Variants in PRRX1 observed in about 807,000 individuals in gnomAD.
PRRX1 encodes paired mesoderm homeobox protein 1.
Under a neutral mutation model 24.0 loss-of-function variants are expected in PRRX1, and 8 were observed. That is an observed-to-expected ratio of 0.33 (90% CI 0.20 to 0.60). PRRX1 has a LOEUF of 0.60. Among genes scored for constraint, PRRX1 ranks in the 20% least tolerant of loss-of-function variants. PRRX1 has a pLI of 0.82. For synonymous variants in PRRX1, 160 were observed against 131.7 expected, an observed-to-expected ratio of 1.22 and a Z score of -1.47; for missense variants, 281 against 322.4, an observed-to-expected ratio of 0.87 and a Z score of 0.98.
chr1:170,716,624 T>C (rs1034534679), intron 1 of PRRX1, among the ~76,000 whole-genome samples: 1 of 152,174 alleles, frequency 6.6e-6, no homozygotes, highest in African/African-American at 2.4e-5. Context: ...CCGCTGGTTA[T>C]TCTACAACTT....
chr1:170,709,342 T>C (rs984045034), intron 1 of PRRX1, among the ~76,000 whole-genome samples: 2 of 152,074 alleles, frequency 1.3e-5, no homozygotes, highest in African/African-American at 4.8e-5. Context: ...AAAGACAAGG[T>C]CAGAGAAAAG....
intron 1 of PRRX1, among the ~76,000 whole-genome samples, chr1:170,704,638 C>T (rs79595190): frequency 0.023 from 3,549 of 152,248 alleles, 138 homozygotes; most frequent in African/African-American, 0.076. Context: ...GTTTCCTGTC[C>T]TTAGCCTCCA....
intron 1 of PRRX1, among the ~76,000 whole-genome samples, chr1:170,703,659 T>TTAAAAAAAAAATGCTAAAAAAAAAAAATA (rs1160662526): frequency 6.6e-6 from 1 of 151,996 alleles, no homozygotes; most frequent in Non-Finnish European, 1.5e-5. Flanking sequence ...TAGGACACTT[T>TTAAAAAAAAAATGCTAAAAAAAAAAAATA]CCATTGGTAT....
At chr1:170,691,208 A>G (rs1653933885) in intron 1 of PRRX1, among the ~76,000 whole-genome samples, 1 of 152,166 alleles carries the variant, frequency 6.6e-6, no homozygotes, top group South Asian at 2.1e-4. Context: ...AATAAATGAA[A>G]GAAATAAAGC....
At chr1:170,707,432 C>CTTAA (rs1654606263) in intron 1 of PRRX1, among the ~76,000 whole-genome samples, 1 of 152,120 alleles carries the variant, frequency 6.6e-6, no homozygotes, top group African/African-American at 2.4e-5. Flanking sequence ...TAAAATGTAG[C>CTTAA]TTAGAATGTC....
intron 1 of PRRX1, among the ~76,000 whole-genome samples, chr1:170,717,468 C>T (rs1654941358): frequency 6.6e-6 from 1 of 152,094 alleles, no homozygotes; most frequent in South Asian, 2.1e-4. Context: ...TGTGGTTGCA[C>T]CTAAGAAAGA....
chr1:170,709,489 C>T (rs577952259), intron 1 of PRRX1, among the ~76,000 whole-genome samples: 1 of 152,284 alleles, frequency 6.6e-6, no homozygotes, highest in Non-Finnish European at 1.5e-5. Flanking sequence ...GAGGCCCATG[C>T]AGTGTTTTCT....
intron 1 of PRRX1, among the ~76,000 whole-genome samples, chr1:170,699,767 G>A (rs189113471): frequency 2.0e-4 from 30 of 151,908 alleles, no homozygotes; most frequent in Admixed American, 1.3e-3. Flanking sequence ...AAGGAGTCTC[G>A]CTCTGTCACC....
chr1:170,717,097 C>A (rs1654929729), intron 1 of PRRX1, among the ~76,000 whole-genome samples: 2 of 152,206 alleles, frequency 1.3e-5, no homozygotes, highest in Admixed American at 1.3e-4. Context: ...CTCCCTGGAT[C>A]CCTGTTATTT....
At chr1:170,697,133 A>T (rs1654196663) in intron 1 of PRRX1, among the ~76,000 whole-genome samples, 1 of 152,144 alleles carries the variant, frequency 6.6e-6, no homozygotes, top group Non-Finnish European at 1.5e-5. Context: ...ATGGAATGTG[A>T]ACATGCATGC....
intron 1 of PRRX1, among the ~76,000 whole-genome samples, chr1:170,680,636 A>C (rs1265301380): frequency 6.6e-6 from 1 of 152,216 alleles, no homozygotes; most frequent in Non-Finnish European, 1.5e-5. Context: ...TTGTTGTTGC[A>C]TAATTAAGTA....
intron 2 of PRRX1, among the ~76,000 whole-genome samples, chr1:170,724,685 C>G (rs1214247339): frequency 6.6e-6 from 1 of 152,232 alleles, no homozygotes; most frequent in Admixed American, 6.5e-5. Context: ...GTTACTGTAG[C>G]CTTGTAGAAT....
At chr1:170,710,555 A>G (rs1345699452) in intron 1 of PRRX1, among the ~76,000 whole-genome samples, 4 of 152,230 alleles carry the variant, frequency 2.6e-5, no homozygotes, top group Non-Finnish European at 4.4e-5. Flanking sequence ...TTAAAAATAT[A>G]TGTATCACTT....
At chr1:170,665,624 T>C (rs887256507) in intron 1 of PRRX1, among the ~76,000 whole-genome samples, 1 of 152,248 alleles carries the variant, frequency 6.6e-6, no homozygotes, top group African/African-American at 2.4e-5. Flanking sequence ...AAACGTTGCC[T>C]ATTTCAGACT....
intron 1 of PRRX1, among the ~76,000 whole-genome samples, chr1:170,702,125 AATAGGGTTTCTACTCGT>A: frequency 6.6e-6 from 1 of 152,322 alleles, no homozygotes; most frequent in East Asian, 1.9e-4. Context: ...CGCAGTTCAC[AATAGGGTTTCTACTCGT>A]ATAAGAATCT....
Position 170,683,972 on chromosome 1 carries a change from T to TG in PRRX1, c.241+19513_241+19514insG, listed in dbSNP as rs1367334992. On this transcript the variant is annotated intron_variant, in intron 1 of 3. Transcript: ENST00000239461. Reference sequence around the variant, plus strand: ...ATTATACCCACCACCAGTTTTTTGATTAACAAGTATGCATTGTATTCAGCA... The same window carrying TG: ...ATTATACCCACCACCAGTTTTTTGATGTAACAAGTATGCATTGTATTCAGCA... Among the ~76,000 whole-genome samples, 5 of 152,312 alleles carry TG rather than the reference T, an allele frequency of 3.3e-5. No homozygotes were observed. In the East Asian group the frequency reaches 9.7e-4, roughly 29 times the overall value.
chr1:170,706,794 A>T (rs1374141224), intron 1 of PRRX1, among the ~76,000 whole-genome samples: 1 of 152,178 alleles, frequency 6.6e-6, no homozygotes, highest in African/African-American at 2.4e-5. Context: ...AGAAAAGCTT[A>T]GTGCCATTTG....
chr1:170,681,098 A>C (rs1653488780), intron 1 of PRRX1, among the ~76,000 whole-genome samples: 1 of 152,216 alleles, frequency 6.6e-6, no homozygotes, highest in Admixed American at 6.5e-5. Context: ...TAAAGGGAAG[A>C]AATTAAGGTG....
At chr1:170,726,602 G>A (rs1170079818) in intron 3 of PRRX1, 1 of 600,840 alleles carries the variant, frequency 1.7e-6, no homozygotes, top group African/African-American at 1.9e-5. Flanking sequence ...AAGTGAGAGG[G>A]GCAGGCTATC....
Sources: gnomAD v4.1 joint callset for allele counts (sites outside exome capture counted in the v4.1 genomes callset) on GRCh38, gnomAD v4.1.1 for gene constraint, MANE v1.5 for transcripts, NCBI Gene and HGNC (gene_info 2026-07-23, HGNC 2026-07-21) for gene names.